The following NEGR1 variants were observed in gnomAD, a reference collection of about 807,000 sequenced individuals.
NEGR1 encodes IgLON family member 4.
A neutral mutation model predicts 40.9 loss-of-function variants in NEGR1; 10 were observed. The observed-to-expected ratio is 0.24, with a 90% CI of 0.15 to 0.42. NEGR1 has a LOEUF of 0.42. Among genes scored for constraint, NEGR1 ranks in the 10% least tolerant of loss-of-function variants. The pLI, the probability that NEGR1 is intolerant of heterozygous loss-of-function variation, is 1.00. For synonymous variants in NEGR1, 185 were observed against 166.8 expected, an observed-to-expected ratio of 1.11 and a Z score of -0.84; for missense variants, 352 against 438.9, an observed-to-expected ratio of 0.80 and a Z score of 1.77.
At chr1:71,814,664 A>G (rs1474556797) in intron 2 of NEGR1, among the ~76,000 whole-genome samples, 1 of 151,956 alleles carries the variant, frequency 6.6e-6, no homozygotes, top group African/African-American at 2.4e-5. Context: ...CCAGCAATTT[A>G]TCCATTTCTT....
At chr1:71,510,374 G>A (rs969911856) in intron 6 of NEGR1, among the ~76,000 whole-genome samples, 2 of 152,166 alleles carry the variant, frequency 1.3e-5, no homozygotes, top group African/African-American at 4.8e-5. Context: ...AGATGAAAAT[G>A]AGACCAAAGA....
At chr1:71,971,801 G>A (rs775050039) in intron 1 of NEGR1, among the ~76,000 whole-genome samples, 29 of 152,084 alleles carry the variant, frequency 1.9e-4, no homozygotes, top group Non-Finnish European at 3.8e-4. Context: ...AAAATTCATA[G>A]TCTGCTCTTA....
chr1:71,684,270 C>A (rs1396727808), intron 4 of NEGR1, among the ~76,000 whole-genome samples: 7 of 150,094 alleles, frequency 4.7e-5, no homozygotes, highest in South Asian at 2.1e-4. Flanking sequence ...GACTCCATCT[C>A]AAAAAAAAAT....
chr1:71,396,149 TCTC>T lies in NEGR1; in HGVS notation c.*11294_*11296del, dbSNP rs1646210222. The stretch of plus-strand genomic sequence containing the variant: ...TAATCTCTTTCTTTCCCTTCCTCTT[TCTC>T]TTCTTTTACCCTCTGTTTCTTTTCT... On this transcript the variant is annotated 3_prime_UTR_variant, in exon 7 of 7. Transcript: ENST00000357731. The T allele has an allele frequency of 6.6e-6, 1 of 152,178 alleles. No homozygotes were observed. Among genetic ancestry groups the T allele is most frequent in the South Asian group, 2.1e-4 (1 of 4,826 alleles). The allele number at this position is 152,178 out of a possible 1,614,324, so 9.4% of individuals were successfully genotyped here. A position where few individuals can be genotyped will look rare whatever the true frequency, so the allele number is the denominator to read the frequency against.
chr1:71,715,500 C>T (rs1262525965), intron 3 of NEGR1, among the ~76,000 whole-genome samples: 1 of 152,150 alleles, frequency 6.6e-6, no homozygotes, highest in African/African-American at 2.4e-5. Flanking sequence ...CCCTTTTAAA[C>T]ATAAGTTCCA....
intron 1 of NEGR1, among the ~76,000 whole-genome samples, chr1:72,119,841 G>A (rs1649730144): frequency 6.6e-6 from 1 of 151,926 alleles, no homozygotes; most frequent in South Asian, 2.1e-4. Context: ...TATCTTCAAA[G>A]AAGGCTTCTC....
rs74881976 is a variant in NEGR1, at chr1:71,573,119, G to A, written c.940+19698C>T. ...AAACACTGTAGGTATGCTTAATATG[G>A]GTATGGCTATTGTAGGTTCGATGTT... On this transcript the variant is annotated intron_variant, in intron 6 of 6. Coordinates refer to ENST00000357731, the MANE Select transcript of NEGR1 (RefSeq NM_173808.3). 7.6e-3 allele frequency among the ~76,000 whole-genome samples: 1,163 copies of A among 152,184 alleles called. 20 individuals carry two copies. The highest frequency in any genetic ancestry group is 0.053 in the South Asian group (254 of 4,822).
chr1:71,482,766 G>A (rs928943408), intron 6 of NEGR1, among the ~76,000 whole-genome samples: 8 of 151,738 alleles, frequency 5.3e-5, no homozygotes, highest in African/African-American at 1.9e-4. Flanking sequence ...GTTCCTGTGG[G>A]CCTAAGTGTT....
intron 1 of NEGR1, among the ~76,000 whole-genome samples, chr1:72,000,559 A>G (rs1033844735): frequency 3.9e-5 from 6 of 152,190 alleles, no homozygotes; most frequent in African/African-American, 1.4e-4. Context: ...AATTTAAAAC[A>G]CATTTTTCTA....
At chr1:71,526,838 G>A (rs1647222534) in intron 6 of NEGR1, among the ~76,000 whole-genome samples, 1 of 151,506 alleles carries the variant, frequency 6.6e-6, no homozygotes. Context: ...CTTACAGCAA[G>A]GAACACAAGA....
intron 6 of NEGR1, among the ~76,000 whole-genome samples, chr1:71,532,948 G>A (rs962226868): frequency 6.6e-6 from 1 of 151,548 alleles, no homozygotes; most frequent in Admixed American, 6.6e-5. Flanking sequence ...AACATTTTGT[G>A]TATTAATCAT....
intron 2 of NEGR1, among the ~76,000 whole-genome samples, chr1:71,922,311 AC>A (rs1293824864): frequency 6.6e-6 from 1 of 152,106 alleles, no homozygotes; most frequent in African/African-American, 2.4e-5. Context: ...CATTGAGTGA[AC>A]CCTGCCAGAA....
At position 72,097,502 on chromosome 1, in the gene NEGR1, A is replaced by G. The variant is rs548885205; in HGVS notation, c.177-162191T>C. Among the ~76,000 whole-genome samples, 36 of 152,184 alleles carry G rather than the reference A, an allele frequency of 2.4e-4. No homozygotes were observed. The South Asian group carries it at 7.3e-3, about 31-fold the overall frequency. ...CATAATATTACCCAGGGTCAACTTT[A>G]CCCCCCAAAATTTCCTTTTTAGAAA... On this transcript the variant is annotated intron_variant, in intron 1 of 6. Coordinates refer to ENST00000357731, the MANE Select transcript of NEGR1 (RefSeq NM_173808.3).
intron 3 of NEGR1, among the ~76,000 whole-genome samples, chr1:71,714,426 C>A (rs986794566): frequency 1.4e-4 from 21 of 152,130 alleles, no homozygotes; most frequent in Admixed American, 1.2e-3. Context: ...CAACAGTCTG[C>A]AAAAGTCTTA....
At chr1:72,132,000 G>C (rs1465528561) in intron 1 of NEGR1, among the ~76,000 whole-genome samples, 1 of 152,150 alleles carries the variant, frequency 6.6e-6, no homozygotes, top group Non-Finnish European at 1.5e-5. Context: ...TTGGGGTCCT[G>C]AGGCAGGAGA....
chr1:71,661,143 C>G (rs1041794893), intron 4 of NEGR1, among the ~76,000 whole-genome samples: 1 of 152,086 alleles, frequency 6.6e-6, no homozygotes, highest in Non-Finnish European at 1.5e-5. Flanking sequence ...CTATTGTGAA[C>G]AGTGCTGCAA....
intron 1 of NEGR1, among the ~76,000 whole-genome samples, chr1:71,970,354 A>G (rs890403695): frequency 4.6e-5 from 7 of 152,118 alleles, no homozygotes; most frequent in Non-Finnish European, 5.9e-5. Flanking sequence ...GCATCAGGGG[A>G]ATTTTAAGCA....
At chr1:72,211,859 A>G (rs1052617662) in intron 1 of NEGR1, among the ~76,000 whole-genome samples, 5 of 151,890 alleles carry the variant, frequency 3.3e-5, no homozygotes, top group African/African-American at 1.2e-4. Flanking sequence ...AGGAAGAGAT[A>G]AACCATAGAC....
intron 1 of NEGR1, among the ~76,000 whole-genome samples, chr1:72,271,645 A>G (rs550504058): frequency 9.2e-5 from 14 of 152,004 alleles, no homozygotes; most frequent in Non-Finnish European, 1.8e-4. Context: ...TCAAACTTCA[A>G]TACGTACAGT....
Sources: allele counts gnomAD v4.1 joint callset (sites outside exome capture counted in the v4.1 genomes callset), GRCh38; gene constraint gnomAD v4.1.1; transcripts MANE v1.5; gene names NCBI Gene and HGNC (gene_info 2026-07-23, HGNC 2026-07-21).